MAML2: variants seen among roughly 807,000 people sequenced by gnomAD.
MAML2 encodes the protein mastermind like transcriptional coactivator 2, also known as mastermind-like protein 2.
MAML2 carries 22 observed loss-of-function variants against 96.1 expected under a neutral mutation model. That is an observed-to-expected ratio of 0.23 (90% CI 0.16 to 0.33). The LOEUF (loss-of-function observed/expected upper bound fraction) is 0.33. Ranked by LOEUF, MAML2 falls within the 10% of genes least tolerant of loss-of-function variation. The probability of loss-of-function intolerance (pLI) is 1.00; values close to 1 mark genes in which losing one functional copy is unlikely to be tolerated. For missense variants in MAML2, 1,367 were observed against 1,392.4 expected (o/e 0.98, Z 0.29); for synonymous variants, 561 against 521.3 (o/e 1.08, Z -1.04).
In MAML2 at chr11:96,342,142, C is replaced by T. The variant is rs975628909; in HGVS notation, c.-247G>A. On this transcript the variant is annotated 5_prime_UTR_variant, in exon 1 of 5. Transcript: ENST00000524717. The stretch of plus-strand genomic sequence containing the variant: ...TAAGTTGGAAACAAACCCTGATTAA[C>T]TTACTCTAATTGCATTTGACAGCTC... 3.8e-6 allele frequency: 2 copies of T among 526,260 alleles called. No individual in the cohort carries two copies. Among genetic ancestry groups the T allele is most frequent in the African/African-American group, 3.8e-5 (2 of 52,644 alleles). 32.6% of individuals were successfully genotyped at this position (526,260 alleles called of 1,614,324 possible).
intron 1 of MAML2, among the ~76,000 whole-genome samples, chr11:96,254,907 C>A (rs1007262167): frequency 2.6e-5 from 4 of 152,126 alleles, no homozygotes; most frequent in African/African-American, 7.2e-5. Flanking sequence ...ACAGCCTCTC[C>A]CAGGCTCAGG....
chr11:96,044,407 T>G (rs1378673047), intron 2 of MAML2, among the ~76,000 whole-genome samples: 1 of 152,192 alleles, frequency 6.6e-6, no homozygotes, highest in Non-Finnish European at 1.5e-5. Context: ...ACTGCACAAA[T>G]TCAACCATTC....
At chr11:95,996,620 T>C (rs908960756) in intron 2 of MAML2, among the ~76,000 whole-genome samples, 1 of 152,192 alleles carries the variant, frequency 6.6e-6, no homozygotes, top group African/African-American at 2.4e-5. Flanking sequence ...ATGTACCTAC[T>C]ATATACATTC....
At chr11:96,307,629 AG>A (rs1202064600) in intron 1 of MAML2, among the ~76,000 whole-genome samples, 3 of 152,166 alleles carry the variant, frequency 2.0e-5, no homozygotes. Context: ...GCTTTCTCCA[AG>A]GGAATGATCA....
chr11:96,128,790 A>G (rs1299464984), intron 1 of MAML2, among the ~76,000 whole-genome samples: 3 of 152,188 alleles, frequency 2.0e-5, no homozygotes, highest in African/African-American at 7.2e-5. Flanking sequence ...AGTGATCTTT[A>G]CTCTTTAGCA....
intron 3 of MAML2, 120 bp downstream of exon 3, chr11:95,991,400 A>C (rs765089269): frequency 1.6e-4 from 149 of 921,476 alleles, no homozygotes; most frequent in Non-Finnish European, 2.4e-4. Flanking sequence ...ATCCTCTCTT[A>C]CAGTCAGCAC....
rs902898515 is a variant in MAML2 at position 95,989,078 on chromosome 11, C to T, written c.2343+2442G>A. 5.3e-5 allele frequency among the ~76,000 whole-genome samples: 8 copies of T among 152,152 alleles called. 1 individual carries two copies. The highest frequency in any genetic ancestry group is 3.8e-4 in the East Asian group (2 of 5,196). ...AATGCGTGTTGGTAATTACGATGTC[C>T]GTTGTAATAAGTACTATTCATGTCT... On this transcript the variant is annotated intron_variant, in intron 3 of 4. Coordinates refer to ENST00000524717, the MANE Select transcript of MAML2 (RefSeq NM_032427.4).
intron 2 of MAML2, among the ~76,000 whole-genome samples, chr11:96,039,819 G>A (rs1028639844): frequency 3.9e-5 from 6 of 151,958 alleles, no homozygotes; most frequent in South Asian, 2.1e-4. Context: ...TTAGCCGGGC[G>A]TAGTGGCGGG....
At chr11:96,243,120 T>TA (rs1862459173) in intron 1 of MAML2, among the ~76,000 whole-genome samples, 1 of 135,252 alleles carries the variant, frequency 7.4e-6, no homozygotes, top group Non-Finnish European at 1.7e-5. Flanking sequence ...TTGCAAAAGT[T>TA]ACATTCTCTC....
chr11:96,000,450 C>CT (rs113191884), intron 2 of MAML2, among the ~76,000 whole-genome samples: 14 of 152,288 alleles, frequency 9.2e-5, no homozygotes, highest in African/African-American at 3.4e-4. Flanking sequence ...CACACAAAGC[C>CT]TATAATATTT....
At chr11:96,137,379 G>T (rs190588866) in intron 1 of MAML2, among the ~76,000 whole-genome samples, 2 of 152,234 alleles carry the variant, frequency 1.3e-5, no homozygotes, top group Admixed American at 1.3e-4. Flanking sequence ...TCTCTTACAC[G>T]CCTGGATCAA....
At chr11:95,982,337 T>C (rs953107318) in intron 4 of MAML2, among the ~76,000 whole-genome samples, 2 of 151,120 alleles carry the variant, frequency 1.3e-5, no homozygotes, top group East Asian at 3.9e-4. Context: ...CAGAGCCTTC[T>C]TTAGAAACAG....
At chr11:95,980,898 C>G (rs573565706) in intron 4 of MAML2, among the ~76,000 whole-genome samples, 1 of 152,336 alleles carries the variant, frequency 6.6e-6, no homozygotes, top group South Asian at 2.1e-4. Context: ...AAACCTAACA[C>G]AGCCTGAAGG....
chr11:96,166,199 A>T (rs1172075562), intron 1 of MAML2, among the ~76,000 whole-genome samples: 1 of 151,074 alleles, frequency 6.6e-6, no homozygotes, highest in African/African-American at 2.4e-5. Flanking sequence ...ACACACACAC[A>T]CACACACACA....
chr11:96,193,116 C>A (rs1861679231), intron 1 of MAML2, among the ~76,000 whole-genome samples: 1 of 152,154 alleles, frequency 6.6e-6, no homozygotes, highest in Non-Finnish European at 1.5e-5. Context: ...GGCCTATAAT[C>A]CCAGCACTTT....
At chr11:96,230,837 T>C (rs1381380312) in intron 1 of MAML2, among the ~76,000 whole-genome samples, 1 of 152,246 alleles carries the variant, frequency 6.6e-6, no homozygotes, top group Non-Finnish European at 1.5e-5. Flanking sequence ...AAAACTCTAC[T>C]TCTCTACCCA....
At chr11:96,184,084 C>A (rs762146109) in intron 1 of MAML2, among the ~76,000 whole-genome samples, 19 of 150,540 alleles carry the variant, frequency 1.3e-4, no homozygotes, top group Non-Finnish European at 2.1e-4. Flanking sequence ...ATGGTACTCC[C>A]GGGCAGCACT....
chr11:96,306,040 T>A lies in MAML2; in HGVS notation c.513+35343A>T, dbSNP rs115769739. Among the ~76,000 whole-genome samples, 1,070 of 152,262 alleles carry A rather than the reference T, an allele frequency of 7.0e-3. 11 individuals carry two copies. The highest frequency in any genetic ancestry group is 0.023 in the African/African-American group (955 of 41,528). On this transcript the variant is annotated intron_variant, in intron 1 of 4. Coordinates refer to ENST00000524717, the MANE Select transcript of MAML2 (RefSeq NM_032427.4). ...TTGTTATGCTGCAAGACGTCATAGC[T>A]GCCTTGAGTATCAAATTATGTATAT...
At chr11:96,002,695 C>G (rs71460638) in intron 2 of MAML2, among the ~76,000 whole-genome samples, 140,216 of 140,630 alleles carry the variant, frequency 1, 69,903 homozygotes, top group Middle Eastern at 1. Context: ...TGGTGGGGAG[C>G]ATGATGGGGA....
Sources: allele counts gnomAD v4.1 joint callset (sites outside exome capture counted in the v4.1 genomes callset), GRCh38; gene constraint gnomAD v4.1.1; transcripts MANE v1.5; gene names NCBI Gene and HGNC (gene_info 2026-07-23, HGNC 2026-07-21).